Variants in IQCH observed in about 807,000 individuals in gnomAD.
IQCH encodes IQ motif containing H.
IQCH carries 98 observed loss-of-function variants against 117.0 expected under a neutral mutation model. The ratio of observed to expected loss-of-function variants is 0.84; its 90% CI spans 0.71 to 0.99. The LOEUF (loss-of-function observed/expected upper bound fraction) is 0.99, where lower values mean the gene tolerates loss of function less well. Ranked by LOEUF, IQCH falls within the 50% of genes least tolerant of loss-of-function variation. The pLI, the probability that IQCH is intolerant of heterozygous loss-of-function variation, is 0.00. For missense variants in IQCH, 1,102 were observed against 1,243.8 expected (o/e 0.89, Z 1.72); for synonymous variants, 412 against 448.2 (o/e 0.92, Z 1.02).
chr15:67,286,800 A>G (rs1466843518), intron 4 of IQCH, among the ~76,000 whole-genome samples: 2 of 151,748 alleles, frequency 1.3e-5, no homozygotes, highest in Admixed American at 6.6e-5. Context: ...TTTAGTAGAG[A>G]TGGGGTTTCA....
At position 67,467,647 on chromosome 15, in the gene IQCH, C is replaced by T. The variant is rs1044356838; in HGVS notation, c.2676+2350C>T. On this transcript the variant is annotated intron_variant, in intron 17 of 20. Transcript: ENST00000335894. The surrounding 1 kb of genome is among the most constrained non-coding windows in gnomAD (Gnocchi z 5.7). Reference sequence around the variant, plus strand: ...TGTGCATGTGTACACATATGATCAGCGATTTTTTTAAAAAGAAGCATGTGC... The same window carrying T: ...TGTGCATGTGTACACATATGATCAGTGATTTTTTTAAAAAGAAGCATGTGC... Among the ~76,000 whole-genome samples, 7 of 152,134 alleles carry T rather than the reference C, an allele frequency of 4.6e-5. No individual in the cohort carries two copies. Among genetic ancestry groups the T allele is most frequent in the African/African-American group, 1.7e-4 (7 of 41,420 alleles).
At chr15:67,448,007 T>C (rs2082427852) in intron 16 of IQCH, among the ~76,000 whole-genome samples, 1 of 152,188 alleles carries the variant, frequency 6.6e-6, no homozygotes, top group East Asian at 1.9e-4. Context: ...GCAAAGCTTT[T>C]TAAGGTTTAG....
chr15:67,298,141 T>C (rs1034483923), intron 4 of IQCH, among the ~76,000 whole-genome samples: 11 of 151,772 alleles, frequency 7.2e-5, no homozygotes, highest in African/African-American at 2.4e-4. Flanking sequence ...AAACCCCGTC[T>C]CTACTAAAAA....
Position 67,427,060 on chromosome 15 carries a change from C to T in IQCH, c.2505+5483C>T, listed in dbSNP as rs1477452596. On this transcript the variant is annotated intron_variant, in intron 16 of 20. Coordinates refer to ENST00000335894, the MANE Select transcript of IQCH (RefSeq NM_001031715.3). This position sits in a 1 kb window ranked among gnomAD's most constrained non-coding sequence, Gnocchi z 4.7. ...AGAGCAGGAGTTGGTAAACAATGGC[C>T]TACAGGCTAAATCTGACCCAGCATT... 1.3e-5 allele frequency among the ~76,000 whole-genome samples: 2 copies of T among 151,796 alleles called. No homozygotes were observed. The highest frequency in any genetic ancestry group is 4.8e-5 in the African/African-American group (2 of 41,364).
intron 4 of IQCH, chr15:67,304,200 A>T (rs1967189950): frequency 1.9e-6 from 1 of 538,804 alleles, no homozygotes; most frequent in African/African-American, 1.9e-5. Flanking sequence ...TAAATAAAAG[A>T]TCCAAATATA....
chr15:67,262,871 G>A (rs2140434298), intron 2 of IQCH, among the ~76,000 whole-genome samples: 1 of 151,824 alleles, frequency 6.6e-6, no homozygotes, highest in South Asian at 2.1e-4. Flanking sequence ...AACAGAGCAA[G>A]ACCCTACTAA....
intron 10 of IQCH, among the ~76,000 whole-genome samples, chr15:67,378,454 A>G (rs1159109706): frequency 6.7e-6 from 1 of 148,424 alleles, no homozygotes; most frequent in Admixed American, 6.8e-5. Flanking sequence ...TGGTGTTGCC[A>G]TACTAGATCC....
rs1189130211 is a variant in IQCH at position 67,307,060 on chromosome 15, C to T, written c.387+27548C>T. 3.9e-6 allele frequency: 5 copies of T among 1,281,454 alleles called. No individual in the cohort carries two copies. In the East Asian group the frequency reaches 1.5e-4, roughly 39 times the overall value. 79.4% of individuals were successfully genotyped at this position (1,281,454 alleles called of 1,614,324 possible). A position where few individuals can be genotyped will look rare whatever the true frequency, so the allele number is the denominator to read the frequency against. ...TGAATGCATAACAAAATAGCCAAAC[C>T]AAACATTGCTTTGAATTGCTGCACA... On this transcript the variant is annotated intron_variant, in intron 4 of 20. Transcript: ENST00000335894.
At chr15:67,307,283 TTA>T in intron 4 of IQCH, 1 of 516,544 alleles carries the variant, frequency 1.9e-6, no homozygotes, top group Non-Finnish European at 2.5e-6. Flanking sequence ...TTTCTAGATT[TTA>T]TGAGTCATAT....
Position 67,422,774 on chromosome 15 carries a change from C to T in IQCH, c.2505+1197C>T, listed in dbSNP as rs531172714. 1.3e-5 allele frequency among the ~76,000 whole-genome samples: 2 copies of T among 152,270 alleles called. No homozygotes were observed. Among genetic ancestry groups the T allele is most frequent in the African/African-American group, 2.4e-5 (1 of 41,544 alleles). On this transcript the variant is annotated intron_variant, in intron 16 of 20. Coordinates refer to ENST00000335894, the MANE Select transcript of IQCH (RefSeq NM_001031715.3). The surrounding 1 kb of genome is among the most constrained non-coding windows in gnomAD (Gnocchi z 4.7). Reference sequence around the variant, plus strand: ...AACCTTTTTCACTTTGCTTTTCCCACCTAAAAGTATAATGTTAAAGTTCAC... The same window carrying T: ...AACCTTTTTCACTTTGCTTTTCCCATCTAAAAGTATAATGTTAAAGTTCAC...
chr15:67,350,057 C>T (rs1969587107), intron 6 of IQCH, among the ~76,000 whole-genome samples: 1 of 152,184 alleles, frequency 6.6e-6, no homozygotes, highest in South Asian at 2.1e-4. Context: ...CATATTTACA[C>T]AAAAACCTGT....
At chr15:67,358,690 A>T (rs1394820563) in intron 7 of IQCH, among the ~76,000 whole-genome samples, 1 of 152,180 alleles carries the variant, frequency 6.6e-6, no homozygotes, top group African/African-American at 2.4e-5. Flanking sequence ...GGCTTACCTT[A>T]TGTGGAAAGT....
rs1396307512 is a variant in IQCH, at chr15:67,376,220, G to C, written c.1372+2787G>C. On this transcript the variant is annotated intron_variant, in intron 10 of 20. Coordinates refer to ENST00000335894, the MANE Select transcript of IQCH (RefSeq NM_001031715.3). This position sits in a 1 kb window ranked among gnomAD's most constrained non-coding sequence, Gnocchi z 5.0. Reference sequence around the variant, plus strand: ...TAAGGATATAGGGTACCCTTTTTTTGTGTACCACATCCCTGGGAGTCCTTA... The same window carrying C: ...TAAGGATATAGGGTACCCTTTTTTTCTGTACCACATCCCTGGGAGTCCTTA... Among the ~76,000 whole-genome samples, 1 of 151,260 alleles carries C rather than the reference G, an allele frequency of 6.6e-6. No homozygotes were observed. The highest frequency in any genetic ancestry group is 1.5e-5 in the Non-Finnish European group (1 of 67,736).
At chr15:67,279,572 G>C (rs1966266769) in intron 4 of IQCH, 60 bp downstream of exon 4, 2 of 951,120 alleles carry the variant, frequency 2.1e-6, no homozygotes, top group Non-Finnish European at 1.7e-6. Context: ...GGGGCTGGGA[G>C]GAGCAGAGAC....
intron 4 of IQCH, among the ~76,000 whole-genome samples, chr15:67,315,274 G>A (rs1307955804): frequency 5.3e-5 from 8 of 152,126 alleles, no homozygotes; most frequent in Non-Finnish European, 1.2e-4. Context: ...CAGGGAAACC[G>A]ACTAAGGTAA....
At chr15:67,428,939 G>A (rs1329127117) in intron 16 of IQCH, among the ~76,000 whole-genome samples, 2 of 152,178 alleles carry the variant, frequency 1.3e-5, no homozygotes, top group South Asian at 4.2e-4. Flanking sequence ...GAACAAGGAG[G>A]AAGGGACCAT....
chr15:67,489,966 AT>A, intron 18 of IQCH, 36 bp from the exon 19 acceptor site: 1 of 1,367,156 alleles, frequency 7.3e-7, no homozygotes, highest in South Asian at 1.2e-5. Context: ...TTCTGAGATA[AT>A]ATACTATTTC....
intron 18 of IQCH, among the ~76,000 whole-genome samples, chr15:67,485,637 T>C (rs1008699609): frequency 2.0e-5 from 3 of 152,122 alleles, no homozygotes; most frequent in Non-Finnish European, 4.4e-5. Context: ...CTCCTGAAAA[T>C]TGAAGAGCAA....
intron 4 of IQCH, among the ~76,000 whole-genome samples, chr15:67,286,596 T>G (rs1431003138): frequency 1.9e-5 from 2 of 106,176 alleles, no homozygotes; most frequent in South Asian, 3.3e-4. Context: ...ATTTATTTAT[T>G]TATTTATTTA....
Sources: allele counts gnomAD v4.1 joint callset (sites outside exome capture counted in the v4.1 genomes callset), GRCh38; gene constraint gnomAD v4.1.1; non-coding constraint Gnocchi (gnomAD v3.1); transcripts MANE v1.5; gene names NCBI Gene and HGNC (gene_info 2026-07-23, HGNC 2026-07-21).